PRRT1: variants seen among roughly 807,000 people sequenced by gnomAD.
The protein encoded by PRRT1 is proline rich transmembrane protein 1.
PRRT1 carries 8 observed loss-of-function variants against 22.6 expected under a neutral mutation model. That is an observed-to-expected ratio of 0.35 (90% CI 0.21 to 0.64). PRRT1 has a LOEUF of 0.64. PRRT1 is among the 30% of genes least tolerant of loss of function. The pLI is 0.69. For synonymous variants in PRRT1, 176 were observed against 203.6 expected, an observed-to-expected ratio of 0.86 and a Z score of 1.15; for missense variants, 315 against 444.5, an observed-to-expected ratio of 0.71 and a Z score of 2.62.
chr6:32,151,152 C>T (rs1012338520), intron 1 of PRRT1: 2 of 691,224 alleles, frequency 2.9e-6, no homozygotes, highest in African/African-American at 1.8e-5. Flanking sequence ...TGCTTCTTTT[C>T]TGTCTTTTTC....
upstream of PRRT1, chr6:32,152,090 C>G (rs1374030921): frequency 1.4e-6 from 1 of 704,068 alleles, no homozygotes; most frequent in Non-Finnish European, 2.6e-6. Context: ...CTCTCCTCCT[C>G]TTACCCCGGC....
rs1230350605 is a variant in PRRT1 at position 32,151,932 on chromosome 6, G to A, written c.-105C>T. 1.4e-5 allele frequency: 8 copies of A among 564,534 alleles called. No homozygotes were observed. Among genetic ancestry groups the A allele is most frequent in the African/African-American group, 4.2e-5 (2 of 47,930 alleles). 35.0% of individuals were successfully genotyped at this position (564,534 alleles called of 1,614,324 possible). ...GCGCAGCCGGCAGCAGCGCAGAGATGGAGAGATGAAGGCAGCGGCGGGGGG... is the reference window on the plus strand; with the variant it reads ...GCGCAGCCGGCAGCAGCGCAGAGATAGAGAGATGAAGGCAGCGGCGGGGGG... On this transcript the variant is annotated 5_prime_UTR_variant, in exon 1 of 4. Coordinates refer to ENST00000211413, the MANE Select transcript of PRRT1 (RefSeq NM_030651.4).
upstream of PRRT1, chr6:32,151,955 G>GC (rs1331372945): frequency 6.4e-6 from 2 of 313,678 alleles, no homozygotes; most frequent in South Asian, 2.2e-5. Flanking sequence ...CAGCGGCGGG[G>GC]GGGGGGGGCG....
chr6:32,149,974 T>C lies in PRRT1; in HGVS notation c.559-252A>G. The C allele has an allele frequency of 3.7e-6, 2 of 539,840 alleles. No homozygotes were observed. Among genetic ancestry groups the C allele is most frequent in the Non-Finnish European group, 6.5e-6 (2 of 309,282 alleles). 33.4% of individuals were successfully genotyped at this position (539,840 alleles called of 1,614,324 possible). On this transcript the variant is annotated intron_variant, in intron 2 of 3. Coordinates refer to ENST00000211413, the MANE Select transcript of PRRT1 (RefSeq NM_030651.4). This position sits in a 1 kb window ranked among gnomAD's most constrained non-coding sequence, Gnocchi z 8.7. ...GCAAGGTATGGTCCCACTGGGGCTG[T>C]CCTGGCCTCAGGTCAGACCTTCTTT... is the stretch of plus-strand genomic sequence containing the variant.
At chr6:32,151,964 C>CGGGGGGG, upstream of PRRT1, 4 of 107,886 alleles carry the variant, frequency 3.7e-5, no homozygotes, top group South Asian at 9.6e-5. Flanking sequence ...GGGGGGGGGG[C>CGGGGGGG]GGGGGGGGCG....
In PRRT1 at chr6:32,150,557, G is replaced by A; in HGVS notation, c.369C>T (p.Pro123=). 5 of 1,363,524 alleles carry A rather than the reference G, an allele frequency of 3.7e-6. No homozygotes were observed. The highest frequency in any genetic ancestry group is 4.7e-6 in the Non-Finnish European group (5 of 1,061,258). 84.5% of individuals were successfully genotyped at this position (1,363,524 alleles called of 1,614,324 possible). The change falls in exon 2 of 4, where the codon CCC becomes CCT. Residue 123 remains proline (P), a synonymous_variant. Coordinates refer to ENST00000211413, the MANE Select transcript of PRRT1 (RefSeq NM_030651.4). The surrounding 1 kb of genome is among the most constrained non-coding windows in gnomAD (Gnocchi z 7.2). ...GGGCGGCGGCAGCGGGCGGCGGCGG[G>A]GGAAGTGGGCCCTCGAAGCGAGTCT... ...LQETRFEGPL[P]PPPPAAAAPP...
chr6:32,150,378 G>A lies in PRRT1; in HGVS notation c.548C>T (p.Pro183Leu). 6.4e-7 allele frequency: 1 copy of A among 1,556,570 alleles called. No homozygotes were observed. Among genetic ancestry groups the A allele is most frequent in the African/African-American group, 1.4e-5 (1 of 70,100 alleles). Reference sequence around the variant, plus strand: ...CTGCCCGGCACTCACCGTGCCCACCGGGTAGACCGGCACGTAAGCAGTGCA... The same window carrying A: ...CTGCCCGGCACTCACCGTGCCCACCAGGTAGACCGGCACGTAAGCAGTGCA... ...QPCTAYVPVY[P>L]VGTPYAGGTP... Residue 183 changes from proline to leucine, a missense_variant, in exon 2 of 4, where the codon CCG becomes CTG. Around this residue, in one of 4 missense-constraint regions of PRRT1, gnomAD observed 263 missense variants for 328.5 expected, o/e 0.80. Coordinates refer to ENST00000211413, the MANE Select transcript of PRRT1 (RefSeq NM_030651.4). The surrounding 1 kb of genome is among the most constrained non-coding windows in gnomAD (Gnocchi z 7.2).
At chr6:32,151,097 C>G in intron 1 of PRRT1, 191 bp from the exon 2 acceptor site, 1 of 705,194 alleles carries the variant, frequency 1.4e-6, no homozygotes, top group Middle Eastern at 2.5e-4. Context: ...CATCTGCCCC[C>G]CTCCTTCTTC....
Position 32,148,458 on chromosome 6 carries a change from G to A in PRRT1, c.*764C>T, listed in dbSNP as rs368181128. 2.5e-4 allele frequency: 64 copies of A among 258,786 alleles called. 3 individuals carry two copies. Among genetic ancestry groups the A allele is most frequent in the East Asian group, 2.1e-3 (23 of 10,924 alleles). 16.0% of individuals were successfully genotyped at this position (258,786 alleles called of 1,614,324 possible). ...GGCCGCCGAGGGGAGCGGGGAGCGGGGACTTGGGAGGTCCATAGCCTGGAT... is the reference window on the plus strand; with the variant it reads ...GGCCGCCGAGGGGAGCGGGGAGCGGAGACTTGGGAGGTCCATAGCCTGGAT... On this transcript the variant is annotated 3_prime_UTR_variant, in exon 4 of 4. Coordinates refer to ENST00000211413, the MANE Select transcript of PRRT1 (RefSeq NM_030651.4). The surrounding 1 kb of genome is among the most constrained non-coding windows in gnomAD (Gnocchi z 5.7).
Position 32,151,915 on chromosome 6 carries a change from G to C in PRRT1, c.-88C>G. ...AGTCTGGGTGCTGGATGGCGCAGCC[G>C]GCAGCAGCGCAGAGATGGAGAGATG... On this transcript the variant is annotated 5_prime_UTR_variant, in exon 1 of 4. Transcript: ENST00000211413. 1.1e-6 allele frequency: 1 copy of C among 888,090 alleles called. No homozygotes were observed. Among genetic ancestry groups the C allele is most frequent in the South Asian group, 1.3e-5 (1 of 77,352 alleles). The allele number at this position is 888,090 out of a possible 1,614,324, so 55.0% of individuals were successfully genotyped here. A position where few individuals can be genotyped will look rare whatever the true frequency, so the allele number is the denominator to read the frequency against.
chr6:32,152,297 G>A, upstream of PRRT1: 4 of 403,718 alleles, frequency 9.9e-6, no homozygotes, highest in Non-Finnish European at 1.9e-5. Context: ...TCCAGAGGCA[G>A]GTCGTCTCCC....
rs1293656869 is a variant in PRRT1 at position 32,148,873 on chromosome 6, G to A, written c.*349C>T. Reference sequence around the variant, plus strand: ...TGGAGGCGGGGTTTTGTCAGAGCTGGGGCGGTGCTTATAGAGGAGGCGGGG... The same window carrying A: ...TGGAGGCGGGGTTTTGTCAGAGCTGAGGCGGTGCTTATAGAGGAGGCGGGG... On this transcript the variant is annotated 3_prime_UTR_variant, in exon 4 of 4. Coordinates refer to ENST00000211413, the MANE Select transcript of PRRT1 (RefSeq NM_030651.4). The surrounding 1 kb of genome is among the most constrained non-coding windows in gnomAD (Gnocchi z 5.7). 1 of 582,906 alleles carries A rather than the reference G, an allele frequency of 1.7e-6. No individual in the cohort carries two copies. Among genetic ancestry groups the A allele is most frequent in the Non-Finnish European group, 3.2e-6 (1 of 308,778 alleles). The allele number at this position is 582,906 out of a possible 1,614,324, so 36.1% of individuals were successfully genotyped here.
In PRRT1 at chr6:32,150,456, G is replaced by C. The variant is rs780681985; in HGVS notation, c.470C>G (p.Thr157Arg). ...VVPTHAGTVG[T>R]LPLGGYVAPG... ...CGCTACGTAGCCCCCCAGCGGCAGC[G>C]TGCCCACAGTCCCCGCGTGCGTGGG... The change falls in exon 2 of 4, where the codon ACG (threonine) becomes AGG (arginine). Residue 157 changes from threonine to arginine, a missense_variant. Around this residue, in one of 4 missense-constraint regions of PRRT1, gnomAD observed 263 missense variants for 328.5 expected, o/e 0.80. Transcript: ENST00000211413. The surrounding 1 kb of genome is among the most constrained non-coding windows in gnomAD (Gnocchi z 7.2). The C allele has an allele frequency of 6.6e-7, 1 of 1,518,332 alleles. No homozygotes were observed. The highest frequency in any genetic ancestry group is 8.8e-7 in the Non-Finnish European group (1 of 1,139,824). 94.1% of individuals were successfully genotyped at this position (1,518,332 alleles called of 1,614,324 possible). A position where few individuals can be genotyped will look rare whatever the true frequency, so the allele number is the denominator to read the frequency against.
At chr6:32,152,571 T>C (rs151266649), upstream of PRRT1, among the ~76,000 whole-genome samples, 14 of 152,180 alleles carry the variant, frequency 9.2e-5, no homozygotes, top group Non-Finnish European at 1.6e-4. Context: ...ACCTTCTTCG[T>C]CCAGGACTAA....
Position 32,150,496 on chromosome 6 carries a change from G to A in PRRT1, c.430C>T (p.Pro144Ser). ...GCGTGCGTGGGCACCACGAAGCCAG[G>A]GGCCTGGGCAGTCTGGGCTGGCGCC... is the stretch of plus-strand genomic sequence containing the variant. ...PPAPAQTAQA[P>S]GFVVPTHAGT... Residue 144 changes from proline (P) to serine (S), a missense_variant, in exon 2 of 4, where the codon CCT (proline) becomes TCT (serine). Around this residue, in one of 4 missense-constraint regions of PRRT1, gnomAD observed 263 missense variants for 328.5 expected, o/e 0.80. Coordinates refer to ENST00000211413, the MANE Select transcript of PRRT1 (RefSeq NM_030651.4). This position sits in a 1 kb window ranked among gnomAD's most constrained non-coding sequence, Gnocchi z 7.2. 4.8e-6 allele frequency: 7 copies of A among 1,452,436 alleles called. No homozygotes were observed. The highest frequency in any genetic ancestry group is 6.3e-6 in the Non-Finnish European group (7 of 1,106,096). The allele number at this position is 1,452,436 out of a possible 1,614,324, so 90.0% of individuals were successfully genotyped here.
Position 32,150,277 on chromosome 6 carries a change from C to A in PRRT1, c.558+91G>T. 6.9e-7 allele frequency: 1 copy of A among 1,450,334 alleles called. No individual in the cohort carries two copies. Among genetic ancestry groups the A allele is most frequent in the Non-Finnish European group, 9.1e-7 (1 of 1,102,022 alleles). 89.8% of individuals were successfully genotyped at this position (1,450,334 alleles called of 1,614,324 possible). ...ACACTACCTGTTCCCTGCCCTTGTT[C>A]CTCTATCCTACCAGCCCCCAGCGTA... is the stretch of plus-strand genomic sequence containing the variant. On this transcript the variant is annotated intron_variant, in intron 2 of 3. Coordinates refer to ENST00000211413, the MANE Select transcript of PRRT1 (RefSeq NM_030651.4). The surrounding 1 kb of genome is among the most constrained non-coding windows in gnomAD (Gnocchi z 7.2).
Position 32,150,353 on chromosome 6 carries a change from C to T in PRRT1, c.558+15G>A, listed in dbSNP as rs1255243890. 1 of 1,550,324 alleles carries T rather than the reference C, an allele frequency of 6.5e-7. No individual in the cohort carries two copies. The highest frequency in any genetic ancestry group is 1.2e-5 in the South Asian group (1 of 82,764). Reference sequence around the variant, plus strand: ...GTCCCCCTCTTTCCCATGTCCCTGTCTGCCCGGCACTCACCGTGCCCACCG... The same window carrying T: ...GTCCCCCTCTTTCCCATGTCCCTGTTTGCCCGGCACTCACCGTGCCCACCG... On this transcript the variant is annotated intron_variant, in intron 2 of 3. Transcript: ENST00000211413. This position sits in a 1 kb window ranked among gnomAD's most constrained non-coding sequence, Gnocchi z 7.2.
At position 32,148,986 on chromosome 6, in the gene PRRT1, G is replaced by T; in HGVS notation, c.*236C>A. 1.4e-6 allele frequency: 1 copy of T among 702,526 alleles called. No individual in the cohort carries two copies. Among genetic ancestry groups the T allele is most frequent in the Non-Finnish European group, 2.6e-6 (1 of 386,222 alleles). 43.5% of individuals were successfully genotyped at this position (702,526 alleles called of 1,614,324 possible). ...GGAGCGACTGAGGGTCCGGCGTTTG[G>T]CCGGGATCCCGGAAAGCGGCGTCCC... On this transcript the variant is annotated 3_prime_UTR_variant, in exon 4 of 4. Transcript: ENST00000211413. The surrounding 1 kb of genome is among the most constrained non-coding windows in gnomAD (Gnocchi z 5.7).
Position 32,148,914 on chromosome 6 carries a change from C to T in PRRT1, c.*308G>A. On this transcript the variant is annotated 3_prime_UTR_variant, in exon 4 of 4. Coordinates refer to ENST00000211413, the MANE Select transcript of PRRT1 (RefSeq NM_030651.4). This position sits in a 1 kb window ranked among gnomAD's most constrained non-coding sequence, Gnocchi z 5.7. Reference sequence around the variant, plus strand: ...GGAGGCGGGGTTTTAGGGACCAAACCGAGGTTGCTCGGTTGGGGGCGCTAC... The same window carrying T: ...GGAGGCGGGGTTTTAGGGACCAAACTGAGGTTGCTCGGTTGGGGGCGCTAC... 1.5e-6 allele frequency: 1 copy of T among 656,206 alleles called. No individual in the cohort carries two copies. Among genetic ancestry groups the T allele is most frequent in the South Asian group, 1.5e-5 (1 of 66,332 alleles). 40.6% of individuals were successfully genotyped at this position (656,206 alleles called of 1,614,324 possible).
Sources: gnomAD v4.1 joint callset for allele counts (sites outside exome capture counted in the v4.1 genomes callset) on GRCh38, gnomAD v4.1.1 for gene constraint, gnomAD v4.1.1 regional missense constraint, Gnocchi (gnomAD v3.1) non-coding constraint, MANE v1.5 for transcripts, NCBI Gene and HGNC (gene_info 2026-07-23, HGNC 2026-07-21) for gene names.